TJAP1: variants seen among roughly 807,000 people sequenced by gnomAD.
TJAP1 encodes tight junction associated protein 1, also known as tight junction-associated protein 1.
Under a neutral mutation model 42.0 loss-of-function variants are expected in TJAP1, and 27 were observed. The ratio of observed to expected loss-of-function variants is 0.64; its 90% confidence interval spans 0.47 to 0.89. The LOEUF is 0.89. TJAP1 is among the 40% of genes least tolerant of loss of function. TJAP1 has a pLI of 0.00. For synonymous variants in TJAP1, 257 were observed against 288.4 expected, an observed-to-expected ratio of 0.89 and a Z score of 1.10; for missense variants, 712 against 726.9, an observed-to-expected ratio of 0.98 and a Z score of 0.24.
Position 43,505,894 on chromosome 6 carries a change from T to G in TJAP1, c.*39T>G. On this transcript the variant is annotated 3_prime_UTR_variant, in exon 11 of 11. Coordinates refer to ENST00000372449, the Ensembl canonical transcript of TJAP1. The surrounding 1 kb of genome is among the most constrained non-coding windows in gnomAD (Gnocchi z 5.5). Reference sequence around the variant, plus strand: ...CTTCCTGCCATTGCTGCACCAGGACTGCAAGGAGTCCCCACACCTTGGCAG... The same window carrying G: ...CTTCCTGCCATTGCTGCACCAGGACGGCAAGGAGTCCCCACACCTTGGCAG... 1 of 1,431,360 alleles carries G rather than the reference T, an allele frequency of 7.0e-7. No homozygotes were observed. Among genetic ancestry groups the G allele is most frequent in the Non-Finnish European group, 9.1e-7 (1 of 1,096,808 alleles). 88.7% of individuals were successfully genotyped at this position (1,431,360 alleles called of 1,614,324 possible). A position where few individuals can be genotyped will look rare whatever the true frequency, so the allele number is the denominator to read the frequency against.
chr6:43,498,308 A>G (rs570993674), intron 3 of TJAP1, among the ~76,000 whole-genome samples: 1 of 152,360 alleles, frequency 6.6e-6, no homozygotes, highest in African/African-American at 2.4e-5. Flanking sequence ...GCTCACACCT[A>G]TAATCCCAGC....
At chr6:43,498,906 T>A in intron 3 of TJAP1, 72 bp from the exon 4 acceptor site, 7 of 1,503,696 alleles carry the variant, frequency 4.7e-6, no homozygotes, top group Non-Finnish European at 6.3e-6. Flanking sequence ...CCTTTCACCA[T>A]CTTTGTTTTT....
chr6:43,501,758 A>ACACACACTCT lies in TJAP1; in HGVS notation c.290+72_290+73insACACACTCTC, dbSNP rs1423256237. 259 of 493,168 alleles carry ACACACACTCT rather than the reference A, an allele frequency of 5.3e-4. 1 individual carries two copies. The highest frequency in any genetic ancestry group is 8.9e-4 in the African/African-American group (26 of 29,166). 30.5% of individuals were successfully genotyped at this position (493,168 alleles called of 1,614,324 possible). On this transcript the variant is annotated intron_variant, in intron 6 of 10. Coordinates refer to ENST00000372449, the Ensembl canonical transcript of TJAP1. ...CACACACACACACACACACACACAC[A>ACACACACTCT]CTCTCTCTGTCTCTCTCTCTCTCTG...
Position 43,505,478 on chromosome 6 carries a change from G to C in TJAP1, c.1297G>C (p.Ala433Pro), listed in dbSNP as rs1792125087. Residue 433 changes from alanine to proline, a missense_variant, in exon 11 of 11, where the codon GCC (alanine) becomes CCC (proline). Physicochemically the swap from Ala to Pro is conservative, Grantham distance 27. This residue lies in a region of TJAP1 where 549 missense variants were observed against 528.2 expected (regional missense o/e 1.04). Transcript: ENST00000372449. The surrounding 1 kb of genome is among the most constrained non-coding windows in gnomAD (Gnocchi z 5.5). ...ACCTGCTGCTGTGGCCCAGCGCACA[G>C]CCTTTGGACGCGATGCCCTCCCTGA... The C allele has an allele frequency of 6.2e-7, 1 of 1,613,508 alleles. No individual in the cohort carries two copies. Among genetic ancestry groups the C allele is most frequent in the Non-Finnish European group, 8.5e-7 (1 of 1,180,032 alleles).
intron 2 of TJAP1, chr6:43,497,575 T>C (rs564749363): frequency 1.4e-4 from 22 of 152,368 alleles, no homozygotes; most frequent in Admixed American, 1.3e-3. Context: ...TGAGGACCGA[T>C]GTGGAGTAGG....
intron 2 of TJAP1, among the ~76,000 whole-genome samples, chr6:43,485,092 G>A (rs1233309402): frequency 6.6e-6 from 1 of 152,204 alleles, no homozygotes; most frequent in Non-Finnish European, 1.5e-5. Context: ...CTCCAGTTCT[G>A]GTGAGGTTGG....
chr6:43,497,124 T>A (rs1789380738), intron 2 of TJAP1: 1 of 152,244 alleles, frequency 6.6e-6, no homozygotes, highest in Non-Finnish European at 1.5e-5. Flanking sequence ...TCATTTGTGG[T>A]GGGAGTTGCC....
Position 43,497,864 on chromosome 6 carries a change from C to T in TJAP1, c.-121-17C>T. On this transcript the variant is annotated splice_polypyrimidine_tract_variant and intron_variant, in intron 2 of 10. Coordinates refer to ENST00000372449, the Ensembl canonical transcript of TJAP1. ...GCTGACACCTGGTTTCCACTTTCTT[C>T]CCTTCTCTGGTTTCAGGAGCTGTGG... is the stretch of plus-strand genomic sequence containing the variant. 6.6e-6 allele frequency: 1 copy of T among 152,490 alleles called. No individual in the cohort carries two copies. 9.4% of individuals were successfully genotyped at this position (152,490 alleles called of 1,614,324 possible).
intron 2 of TJAP1, among the ~76,000 whole-genome samples, chr6:43,479,129 G>A (rs1364465426): frequency 1.3e-5 from 2 of 152,214 alleles, no homozygotes; most frequent in Non-Finnish European, 2.9e-5. Context: ...CACAGTGAAT[G>A]TGGCCTTCAC....
Position 43,505,489 on chromosome 6 carries a change from C to A in TJAP1, c.1308C>A (p.Arg436=), listed in dbSNP as rs61745290. Reference sequence around the variant, plus strand: ...TGGCCCAGCGCACAGCCTTTGGACGCGATGCCCTCCCTGAGCTGCAGCGCC... The same window carrying A: ...TGGCCCAGCGCACAGCCTTTGGACGAGATGCCCTCCCTGAGCTGCAGCGCC... The change falls in exon 11 of 11, where the codon CGC becomes CGA. Residue 436 remains arginine (R), a synonymous_variant. Transcript: ENST00000372449. This position sits in a 1 kb window ranked among gnomAD's most constrained non-coding sequence, Gnocchi z 5.5. 4 of 1,613,652 alleles carry A rather than the reference C, an allele frequency of 2.5e-6. No individual in the cohort carries two copies. In the Admixed American group the frequency reaches 6.7e-5, roughly 27 times the overall value.
At chr6:43,496,535 G>A (rs1334168099) in intron 2 of TJAP1, among the ~76,000 whole-genome samples, 2 of 152,226 alleles carry the variant, frequency 1.3e-5, no homozygotes, top group Admixed American at 6.5e-5. Flanking sequence ...GGCCGTGCCT[G>A]TGCTGCCGCA....
At chr6:43,483,361 T>C (rs1450753819) in intron 2 of TJAP1, among the ~76,000 whole-genome samples, 13 of 152,258 alleles carry the variant, frequency 8.5e-5, no homozygotes, top group Non-Finnish European at 1.5e-5. Flanking sequence ...TCTTTGCCCA[T>C]GTACTTCACT....
chr6:43,500,816 C>T lies in TJAP1; in HGVS notation c.128+44C>T, dbSNP rs200388358. ...AGATACTGCCCTGCCTCAACTCTGT[C>T]CCTCTTAGCTCCAGGCTAGACTGTT... On this transcript the variant is annotated intron_variant, in intron 5 of 10. Transcript: ENST00000372449. 5.0e-6 allele frequency: 8 copies of T among 1,608,906 alleles called. No homozygotes were observed. In the African/African-American group the frequency reaches 8.0e-5, roughly 16 times the overall value.
chr6:43,487,149 C>T lies in TJAP1; in HGVS notation c.-122+8917C>T, dbSNP rs183852130. On this transcript the variant is annotated intron_variant, in intron 2 of 10. Transcript: ENST00000372449. ...GTTACTATCTTGTGCCAATTGTGTG[C>T]TAGGTGACATTTAGAATTTATAAAG... Among the ~76,000 whole-genome samples the T allele has an allele frequency of 5.3e-5, 8 of 152,182 alleles. No individual in the cohort carries two copies. In the East Asian group the frequency reaches 1.5e-3, roughly 29 times the overall value.
At position 43,498,960 on chromosome 6, in the gene TJAP1, C is replaced by T. The variant is rs776232824; in HGVS notation, c.-24-18C>T. On this transcript the variant is annotated intron_variant, in intron 3 of 10. Coordinates refer to ENST00000372449, the Ensembl canonical transcript of TJAP1. Reference sequence around the variant, plus strand: ...CTGGCCACATCTCTGAGCCTGCCTCCTTCTTGCTTCTCAGCAGGCGGAGGA... The same window carrying T: ...CTGGCCACATCTCTGAGCCTGCCTCTTTCTTGCTTCTCAGCAGGCGGAGGA... The T allele has an allele frequency of 6.2e-7, 1 of 1,609,352 alleles. No individual in the cohort carries two copies. Among genetic ancestry groups the T allele is most frequent in the Non-Finnish European group, 8.5e-7 (1 of 1,178,746 alleles).
Position 43,505,521 on chromosome 6 carries a change from C to T in TJAP1, c.1340C>T (p.Ala447Val), listed in dbSNP as rs1792143212. 1.2e-6 allele frequency: 2 copies of T among 1,613,928 alleles called. No individual in the cohort carries two copies. The highest frequency in any genetic ancestry group is 1.7e-5 in the Admixed American group (1 of 60,020). ...CTCCCTGAGCTGCAGCGCCATTTTG[C>T]CCATAGCCCCGCTGACAGAGATGAG... is the stretch of plus-strand genomic sequence containing the variant. The change falls in exon 11 of 11, where the codon GCC becomes GTC. Residue 447 changes from alanine (A) to valine (V), a missense_variant. Ala to Val is a moderately conservative substitution (Grantham distance 64). This residue lies in a region of TJAP1 where 549 missense variants were observed against 528.2 expected (regional missense o/e 1.04). Transcript: ENST00000372449. This position sits in a 1 kb window ranked among gnomAD's most constrained non-coding sequence, Gnocchi z 5.5.
In TJAP1 at chr6:43,501,585, C is replaced by T. The variant is rs756701243; in HGVS notation, c.188C>T (p.Thr63Ile). 6.8e-6 allele frequency: 11 copies of T among 1,614,050 alleles called. No individual in the cohort carries two copies. The South Asian group carries it at 1.1e-4, about 16-fold the overall frequency. The change falls in exon 6 of 11, where the codon ACT (threonine) becomes ATT (isoleucine). Residue 63 changes from threonine to isoleucine, a missense_variant. By Grantham distance (89) the Thr-to-Ile change is moderately conservative (BLOSUM62 -1). Coordinates refer to ENST00000372449, the Ensembl canonical transcript of TJAP1. Reference sequence around the variant, plus strand: ...CGCCTGGCCTCCGCCACCAGACGCACTGAGGCCCTGGAACGTGAGCTGGAA... The same window carrying T: ...CGCCTGGCCTCCGCCACCAGACGCATTGAGGCCCTGGAACGTGAGCTGGAA...
At chr6:43,487,844 G>A (rs112334448) in intron 2 of TJAP1, among the ~76,000 whole-genome samples, 3,832 of 150,860 alleles carry the variant, frequency 0.025, 151 homozygotes, top group African/African-American at 0.086. Flanking sequence ...ACCACTGTTC[G>A]CCATTTATCT....
Position 43,499,112 on chromosome 6 carries a change from T to C in TJAP1, c.99+12T>C. ...GGCTTGAGCAGGAGGTCAGCAAGAC[T>C]GGTATCACAGCCTGACCGGCAGAGG... On this transcript the variant is annotated intron_variant, in intron 4 of 10. Transcript: ENST00000372449. 1.9e-6 allele frequency: 3 copies of C among 1,613,224 alleles called. No homozygotes were observed. Among genetic ancestry groups the C allele is most frequent in the Non-Finnish European group, 2.5e-6 (3 of 1,179,838 alleles).
Sources: gnomAD v4.1 joint callset for allele counts (sites outside exome capture counted in the v4.1 genomes callset) on GRCh38, gnomAD v4.1.1 for gene constraint, gnomAD v4.1.1 regional missense constraint, Gnocchi (gnomAD v3.1) non-coding constraint, MANE v1.5 for transcripts, NCBI Gene and HGNC (gene_info 2026-07-23, HGNC 2026-07-21) for gene names.